Variants in EXTL1 observed in about 807,000 individuals in gnomAD.
EXTL1 encodes exostosin like glycosyltransferase 1, also known as exostosin-like 1.
A neutral mutation model predicts 64.6 loss-of-function variants in EXTL1; 43 were observed. The observed-to-expected ratio is 0.67, with a 90% CI of 0.52 to 0.86. The LOEUF is 0.86. Among genes scored for constraint, EXTL1 ranks in the 40% least tolerant of loss-of-function variants. The probability of loss-of-function intolerance (pLI) is 0.00; values close to 1 mark genes in which losing one functional copy is unlikely to be tolerated. For missense variants in EXTL1, 766 were observed against 879.0 expected (o/e 0.87, Z 1.62); for synonymous variants, 352 against 360.5 (o/e 0.98, Z 0.27).
At chr1:26,024,615 C>T (rs1413431486) in intron 1 of EXTL1, among the ~76,000 whole-genome samples, 3 of 152,106 alleles carry the variant, frequency 2.0e-5, no homozygotes, top group Admixed American at 1.3e-4. Context: ...TTGTCCCGGT[C>T]AGCCCCAGGG....
At chr1:26,026,297 A>AATT (rs1553141669) in intron 1 of EXTL1, among the ~76,000 whole-genome samples, 62 of 141,036 alleles carry the variant, frequency 4.4e-4, no homozygotes, top group African/African-American at 1.3e-3. Flanking sequence ...GAAGAAAAAA[A>AATT]TTTTTTTTTT....
intron 1 of EXTL1, among the ~76,000 whole-genome samples, chr1:26,023,845 A>C (rs1412746561): frequency 6.6e-6 from 1 of 152,200 alleles, no homozygotes; most frequent in Admixed American, 6.5e-5. Flanking sequence ...CAGGTTAAGT[A>C]ATTTTTCTCA....
At chr1:26,027,689 T>TAAAA (rs61364586) in intron 1 of EXTL1, among the ~76,000 whole-genome samples, 7 of 57,066 alleles carry the variant, frequency 1.2e-4, no homozygotes, top group African/African-American at 2.7e-4. Context: ...ACCCCATCTC[T>TAAAA]AAAAAAAAAA....
chr1:26,022,465 GACTC>G lies in EXTL1; in HGVS notation c.-178_-175del, dbSNP rs1344330890. 2.2e-5 allele frequency: 12 copies of G among 538,790 alleles called. No homozygotes were observed. Among genetic ancestry groups the G allele is most frequent in the Non-Finnish European group, 3.6e-5 (11 of 303,184 alleles). 33.4% of individuals were successfully genotyped at this position (538,790 alleles called of 1,614,324 possible). A position where few individuals can be genotyped will look rare whatever the true frequency, so the allele number is the denominator to read the frequency against. On this transcript the variant is annotated 5_prime_UTR_variant, in exon 1 of 11. It removes the in-frame stop codon of an upstream open reading frame in the 5' UTR. Transcript: ENST00000374280. ...CCTGGCCTCCTCCTGCCTGGCTGGT[GACTC>G]ACTATCTGACCTTAGACAGGCGGCC...
Position 26,031,360 on chromosome 1 carries a change from C to T in EXTL1, c.1234+96C>T, listed in dbSNP as rs568895638. 6.2e-5 allele frequency: 93 copies of T among 1,508,120 alleles called. No individual in the cohort carries two copies. The African/African-American group carries it at 1.2e-3, about 20-fold the overall frequency. 93.4% of individuals were successfully genotyped at this position (1,508,120 alleles called of 1,614,324 possible). ...GAGCCCCACCAAGACCCTTTCCAAG[C>T]CCTAACATTTTTCCTGGCCCCCGGG... On this transcript the variant is annotated intron_variant, in intron 5 of 10. Transcript: ENST00000374280.
In EXTL1 at chr1:26,031,534, C is replaced by T; in HGVS notation, c.1309C>T (p.Gln437Ter). The change falls in exon 6 of 11, where the codon CAG becomes TAG. Residue 437 changes from glutamine (Q) to a stop codon, truncating the protein, a stop_gained. Transcript: ENST00000374280. LOFTEE classifies it high-confidence loss of function. ...AGGCCAGCCCCCTCTGAAGCTCATC[C>T]AGGCGGTGGCAGGCTCCCAGCACTG... is the stretch of plus-strand genomic sequence containing the variant. ...PPGQPPLKLI[Q>*]AVAGSQHCAQ... 6.3e-7 allele frequency: 1 copy of T among 1,597,558 alleles called. No homozygotes were observed.
chr1:26,035,009 G>A lies in EXTL1; in HGVS notation c.1848+5G>A, dbSNP rs1355303077. On this transcript the variant is annotated splice_donor_5th_base_variant and intron_variant, in intron 10 of 10. Transcript: ENST00000374280. This position sits in a 1 kb window ranked among gnomAD's most constrained non-coding sequence, Gnocchi z 5.3. ...CGCCAGGAGGCTGCTCCACTGGTGA[G>A]GGCTGAGGGGGATTGGTCGGAACTG... The A allele has an allele frequency of 6.2e-6, 10 of 1,613,926 alleles. No individual in the cohort carries two copies. The highest frequency in any genetic ancestry group is 8.5e-6 in the Non-Finnish European group (10 of 1,179,818).
At chr1:26,031,344 CA>C in intron 5 of EXTL1, 80 bp downstream of exon 5, 1 of 1,536,724 alleles carries the variant, frequency 6.5e-7, no homozygotes, top group South Asian at 1.2e-5. Context: ...AGAGCCCCAC[CA>C]AGACCCTTTC....
Position 26,023,217 on chromosome 1 carries a change from C to G in EXTL1, c.571C>G (p.Arg191Gly), listed in dbSNP as rs199660346. 6.2e-7 allele frequency: 1 copy of G among 1,611,026 alleles called. No homozygotes were observed. Among genetic ancestry groups the G allele is most frequent in the East Asian group, 2.2e-5 (1 of 44,790 alleles). ...AEASPTVDSF[R>G]PGFDVALPFL... ...GGCCAGCCCCACGGTGGACTCCTTCCGGCCCGGCTTTGATGTGGCCCTCCC... is the reference window on the plus strand; with the variant it reads ...GGCCAGCCCCACGGTGGACTCCTTCGGGCCCGGCTTTGATGTGGCCCTCCC... The change falls in exon 1 of 11, where the codon CGG (arginine) becomes GGG (glycine). Residue 191 changes from arginine (R) to glycine (G), a missense_variant. This residue lies in a region of EXTL1 where 571 missense variants were observed against 647.6 expected (regional missense o/e 0.88). Coordinates refer to ENST00000374280, the MANE Select transcript of EXTL1 (RefSeq NM_004455.3).
At position 26,022,721 on chromosome 1, in the gene EXTL1, A is replaced by G. The variant is rs754630365; in HGVS notation, c.75A>G (p.Gly25=). 7 of 1,613,600 alleles carry G rather than the reference A, an allele frequency of 4.3e-6. No individual in the cohort carries two copies. Among genetic ancestry groups the G allele is most frequent in the African/African-American group, 2.7e-5 (2 of 74,826 alleles). Residue 25 remains glycine (G), a synonymous_variant, in exon 1 of 11, where the codon GGA becomes GGG. Coordinates refer to ENST00000374280, the MANE Select transcript of EXTL1 (RefSeq NM_004455.3). ...SASWLLLVLL[G]GFSLLRLALP... is the part of the protein sequence containing the mutation. ...CCTGGCTCCTGCTTGTCCTGCTGGG[A>G]GGCTTCTCCCTTCTCCGCCTGGCAT...
chr1:26,035,048 G>C lies in EXTL1; in HGVS notation c.1848+44G>C. 1 of 1,607,888 alleles carries C rather than the reference G, an allele frequency of 6.2e-7. No homozygotes were observed. Reference sequence around the variant, plus strand: ...TGGTCGGAACTGGCAGGGATTGGGCGGGGATGCCGGAGAGGATTCCCTCTC... The same window carrying C: ...TGGTCGGAACTGGCAGGGATTGGGCCGGGATGCCGGAGAGGATTCCCTCTC... On this transcript the variant is annotated intron_variant, in intron 10 of 10. Coordinates refer to ENST00000374280, the MANE Select transcript of EXTL1 (RefSeq NM_004455.3). The surrounding 1 kb of genome is among the most constrained non-coding windows in gnomAD (Gnocchi z 5.3).
chr1:26,023,534 G>C lies in EXTL1; in HGVS notation c.779+109G>C, dbSNP rs531745764. The C allele has an allele frequency of 2.5e-6, 3 of 1,178,722 alleles. No individual in the cohort carries two copies. The East Asian group carries it at 9.0e-5, about 35-fold the overall frequency. 73.0% of individuals were successfully genotyped at this position (1,178,722 alleles called of 1,614,324 possible). A position where few individuals can be genotyped will look rare whatever the true frequency, so the allele number is the denominator to read the frequency against. On this transcript the variant is annotated intron_variant, in intron 1 of 10. Transcript: ENST00000374280. ...TGAGATGGGAGAACCAGGTAGTCCT[G>C]GTAGACTTAGGCCTCAGCTGCAGCA...
intron 3 of EXTL1, 132 bp downstream of exon 3, chr1:26,029,839 C>T (rs1012271790): frequency 1.1e-4 from 68 of 633,796 alleles, no homozygotes; most frequent in Middle Eastern, 2.6e-4. Flanking sequence ...TTTCTCCTAG[C>T]ACCAAGTCTC....
chr1:26,034,719 C>A lies in EXTL1; in HGVS notation c.1680-117C>A. The stretch of plus-strand genomic sequence containing the variant: ...AGGGATGGGAGCTCTCTGAGGCAGC[C>A]AGGGCTCAGAGGCTTGGGGATGGGG... On this transcript the variant is annotated intron_variant, in intron 9 of 10. Transcript: ENST00000374280. This position sits in a 1 kb window ranked among gnomAD's most constrained non-coding sequence, Gnocchi z 4.6. 2 of 1,030,934 alleles carry A rather than the reference C, an allele frequency of 1.9e-6. No individual in the cohort carries two copies. The highest frequency in any genetic ancestry group is 1.6e-5 in the African/African-American group (1 of 62,596). The allele number at this position is 1,030,934 out of a possible 1,614,324, so 63.9% of individuals were successfully genotyped here. A position where few individuals can be genotyped will look rare whatever the true frequency, so the allele number is the denominator to read the frequency against.
In EXTL1 at chr1:26,035,225, C is replaced by T; in HGVS notation, c.1909C>T (p.Gln637Ter). The T allele has an allele frequency of 6.2e-7, 1 of 1,613,556 alleles. No homozygotes were observed. The highest frequency in any genetic ancestry group is 1.1e-5 in the South Asian group (1 of 91,090). The change falls in exon 11 of 11, where the codon CAG becomes TAG. Residue 637 changes from glutamine (Q) to a stop codon, truncating the protein, a stop_gained. Coordinates refer to ENST00000374280, the MANE Select transcript of EXTL1 (RefSeq NM_004455.3). LOFTEE classifies it low-confidence loss of function (END_TRUNC). The surrounding 1 kb of genome is among the most constrained non-coding windows in gnomAD (Gnocchi z 5.3). Reference protein sequence around the residue: ...PPAPAPDCINQIAAAFGHMPL... With the variant: ...PPAPAPDCIN Reference sequence around the variant, plus strand: ...TGCCCCAGCCCCCGACTGCATCAACCAGATAGCGGCAGCGTTCGGCCACAT... The same window carrying T: ...TGCCCCAGCCCCCGACTGCATCAACTAGATAGCGGCAGCGTTCGGCCACAT...
Position 26,030,515 on chromosome 1 carries a change from C to T in EXTL1, c.1021C>T (p.Leu341Phe). 6.2e-7 allele frequency: 1 copy of T among 1,613,428 alleles called. No individual in the cohort carries two copies. The highest frequency in any genetic ancestry group is 2.2e-5 in the East Asian group (1 of 44,870). ...CCAGGAGATGTCCCCTGCACGGGTC[C>T]TCGCCCTGCGTCAGCAGACCCAGTT... ...ALQEMSPARV[L>F]ALRQQTQFLW... is the part of the protein sequence containing the mutation. The change falls in exon 4 of 11, where the codon CTC becomes TTC. Residue 341 changes from leucine (L) to phenylalanine (F), a missense_variant. By Grantham distance (22) the Leu-to-Phe change is conservative (BLOSUM62 0). Around this residue, in one of 3 missense-constraint regions of EXTL1, gnomAD observed 571 missense variants for 647.6 expected, o/e 0.88. Transcript: ENST00000374280.
chr1:26,030,945 G>A (rs2050278166), intron 4 of EXTL1, among the ~76,000 whole-genome samples, 187 bp from the exon 5 acceptor site: 1 of 152,136 alleles, frequency 6.6e-6, no homozygotes, highest in Non-Finnish European at 1.5e-5. Context: ...GGAAGGAAGG[G>A]GAAGCAGTGA....
Position 26,035,379 on chromosome 1 carries a change from C to A in EXTL1, c.*32C>A, listed in dbSNP as rs750124942. On this transcript the variant is annotated 3_prime_UTR_variant, in exon 11 of 11. Transcript: ENST00000374280. The surrounding 1 kb of genome is among the most constrained non-coding windows in gnomAD (Gnocchi z 5.3). Reference sequence around the variant, plus strand: ...GACCCGCGGAGACCCCAGCAGAGGTCGCAGCCCAGCTCCCAGGGGGCCCGG... The same window carrying A: ...GACCCGCGGAGACCCCAGCAGAGGTAGCAGCCCAGCTCCCAGGGGGCCCGG... The A allele has an allele frequency of 2.0e-5, 32 of 1,563,956 alleles. No homozygotes were observed. The highest frequency in any genetic ancestry group is 2.3e-4 in the Middle Eastern group (1 of 4,426).
intron 1 of EXTL1, among the ~76,000 whole-genome samples, chr1:26,024,197 C>T (rs139566548): frequency 1.3e-5 from 2 of 152,274 alleles, no homozygotes; most frequent in Non-Finnish European, 2.9e-5. Flanking sequence ...GGTGATGCGC[C>T]TCAGGTGATA....
Sources: allele counts gnomAD v4.1 joint callset (sites outside exome capture counted in the v4.1 genomes callset), GRCh38; gene constraint gnomAD v4.1.1; regional missense constraint gnomAD v4.1.1; non-coding constraint Gnocchi (gnomAD v3.1); transcripts MANE v1.5; gene names NCBI Gene and HGNC (gene_info 2026-07-23, HGNC 2026-07-21).